The following DUSP22 variants were observed in gnomAD, a reference collection of about 807,000 sequenced individuals.
DUSP22 encodes dual specificity phosphatase 22.
Under a neutral mutation model 24.5 loss-of-function variants are expected in DUSP22, and 24 were observed. The ratio of observed to expected loss-of-function variants is 0.98; its 90% CI spans 0.71 to 1.38. DUSP22 has a LOEUF of 1.38. Ranked by LOEUF, DUSP22 falls within the 40% of genes most tolerant of loss-of-function variation. The pLI is 0.00. For synonymous variants in DUSP22, 160 were observed against 106.4 expected (o/e 1.50, Z -3.10); for missense variants, 330 against 269.2 (o/e 1.23, Z -1.58).
chr6:326,398 C>T (rs7760231), intron 3 of DUSP22, among the ~76,000 whole-genome samples: 100 of 77,266 alleles, frequency 1.3e-3, no homozygotes, highest in Admixed American at 2.4e-3. Context: ...CCTGGGCTTC[C>T]GCGTCCTGGT....
intron 1 of DUSP22, among the ~76,000 whole-genome samples, chr6:298,474 T>A (rs1757438341): frequency 6.6e-6 from 1 of 152,302 alleles, no homozygotes; most frequent in Non-Finnish European, 1.5e-5. Context: ...TTAGATGCCA[T>A]GCATCCTGAA....
intron 6 of DUSP22, 123 bp downstream of exon 6, chr6:348,397 T>C: frequency 6.8e-7 from 1 of 1,476,526 alleles, no homozygotes; most frequent in Non-Finnish European, 9.1e-7. Flanking sequence ...GGACATCGGC[T>C]CCCAGGGCGC....
intron 1 of DUSP22, among the ~76,000 whole-genome samples, chr6:301,535 A>G (rs1757579187): frequency 6.6e-6 from 1 of 152,302 alleles, no homozygotes; most frequent in South Asian, 2.1e-4. Flanking sequence ...TCACCCAGGA[A>G]GAATATGGCT....
At chr6:329,613 T>A (rs1479914535) in intron 3 of DUSP22, among the ~76,000 whole-genome samples, 1 of 152,302 alleles carries the variant, frequency 6.6e-6, no homozygotes, top group African/African-American at 2.4e-5. Context: ...CCACCACGCC[T>A]GGCTAATTTT....
At chr6:346,918 G>A (rs1204979966) in intron 5 of DUSP22, among the ~76,000 whole-genome samples, 1 of 152,298 alleles carries the variant, frequency 6.6e-6, no homozygotes, top group East Asian at 1.9e-4. Context: ...GGGCCGATAG[G>A]GACGACAGGG....
chr6:323,355 A>G (rs1327995606), intron 3 of DUSP22, among the ~76,000 whole-genome samples: 1 of 152,306 alleles, frequency 6.6e-6, no homozygotes, highest in African/African-American at 2.4e-5. Flanking sequence ...GTCAAGTTTC[A>G]GCATTCATCA....
At chr6:306,249 T>G (rs1192195882) in intron 2 of DUSP22, among the ~76,000 whole-genome samples, 2 of 152,424 alleles carry the variant, frequency 1.3e-5, no homozygotes, top group Non-Finnish European at 2.9e-5. Context: ...GTAGAATTGC[T>G]AGATGAAAGG....
chr6:318,855 T>C (rs1758450629), intron 3 of DUSP22, among the ~76,000 whole-genome samples: 1 of 152,306 alleles, frequency 6.6e-6, no homozygotes, highest in Non-Finnish European at 1.5e-5. Flanking sequence ...TATTAAGGAA[T>C]ACTCGGCAGC....
At chr6:297,060 A>G (rs1757367681) in intron 1 of DUSP22, among the ~76,000 whole-genome samples, 1 of 152,412 alleles carries the variant, frequency 6.6e-6, no homozygotes, top group South Asian at 2.1e-4. Context: ...ACTGTTGCTA[A>G]GAGGGGCTGG....
At chr6:315,258 T>G (rs1436177959) in intron 3 of DUSP22, among the ~76,000 whole-genome samples, 1 of 152,304 alleles carries the variant, frequency 6.6e-6, no homozygotes, top group Non-Finnish European at 1.5e-5. Flanking sequence ...ACATCTGAGA[T>G]TCTGAGGAGC....
chr6:300,364 T>A (rs760795146), intron 1 of DUSP22, among the ~76,000 whole-genome samples: 1 of 152,272 alleles, frequency 6.6e-6, no homozygotes, highest in Non-Finnish European at 1.5e-5. Context: ...TTGGGTTTCA[T>A]GCTGAAAGCT....
At position 350,229 on chromosome 6, in the gene DUSP22, T is replaced by C. The variant is rs1353500962; in HGVS notation, c.*1278T>C. 3.0e-6 allele frequency: 3 copies of C among 987,834 alleles called. No individual in the cohort carries two copies. In the African/African-American group the frequency reaches 5.2e-5, roughly 17 times the overall value. 61.2% of individuals were successfully genotyped at this position (987,834 alleles called of 1,614,324 possible). ...TCATTGAGCTATTTAAAGTTGCCAGTTTGGGCTCCAGTAATGCTTTCTGGT... is the reference window on the plus strand; with the variant it reads ...TCATTGAGCTATTTAAAGTTGCCAGCTTGGGCTCCAGTAATGCTTTCTGGT... On this transcript the variant is annotated 3_prime_UTR_variant, in exon 7 of 7. Coordinates refer to ENST00000419235, the MANE Select transcript of DUSP22 (RefSeq NM_001286555.3).
At chr6:338,782 A>G (rs375431175) in intron 4 of DUSP22, among the ~76,000 whole-genome samples, 188 of 152,358 alleles carry the variant, frequency 1.2e-3, no homozygotes, top group African/African-American at 3.8e-3. Context: ...TTAACACTCT[A>G]TATCTTAAAT....
chr6:311,770 G>A (rs1446603509), intron 2 of DUSP22, 110 bp from the exon 3 acceptor site: 2 of 1,218,982 alleles, frequency 1.6e-6, no homozygotes, highest in African/African-American at 1.5e-5. Flanking sequence ...GAAGTTTCAG[G>A]AAAGAAATAT....
chr6:308,352 C>G, intron 2 of DUSP22, among the ~76,000 whole-genome samples: 1 of 152,298 alleles, frequency 6.6e-6, no homozygotes, highest in Non-Finnish European at 1.5e-5. Flanking sequence ...TTGTAGGTCG[C>G]CTTCCAGGAC....
chr6:331,392 A>G (rs1027342657), intron 3 of DUSP22, among the ~76,000 whole-genome samples: 1 of 152,310 alleles, frequency 6.6e-6, no homozygotes, highest in Admixed American at 6.5e-5. Context: ...TATCTTCATT[A>G]CTTACAAATT....
chr6:311,801 T>C, intron 2 of DUSP22, 79 bp from the exon 3 acceptor site: 1 of 1,452,062 alleles, frequency 6.9e-7, no homozygotes, highest in Non-Finnish European at 9.3e-7. Flanking sequence ...TTGTGGGTTT[T>C]TTTTTTTTTC....
chr6:309,060 G>A (rs1182342421), intron 2 of DUSP22, among the ~76,000 whole-genome samples: 7 of 152,308 alleles, frequency 4.6e-5, no homozygotes, highest in African/African-American at 1.4e-4. Context: ...GTGTGAATGT[G>A]GGAACTGGCT....
intron 5 of DUSP22, 68 bp downstream of exon 5, chr6:345,996 T>C: frequency 2.5e-6 from 4 of 1,585,926 alleles, no homozygotes; most frequent in East Asian, 2.2e-5. Context: ...ATCAAGTGTT[T>C]TTCCGTGTGT....
Sources: gnomAD v4.1 joint callset for allele counts (sites outside exome capture counted in the v4.1 genomes callset) on GRCh38, gnomAD v4.1.1 for gene constraint, MANE v1.5 for transcripts, NCBI Gene and HGNC (gene_info 2026-07-23, HGNC 2026-07-21) for gene names.